ZHX3: variants seen among roughly 807,000 people sequenced by gnomAD.
ZHX3 encodes zinc fingers and homeoboxes protein 3.
Under a neutral mutation model 64.5 loss-of-function variants are expected in ZHX3, and 20 were observed. The observed-to-expected ratio is 0.31, with a 90% CI of 0.22 to 0.45. ZHX3 has a LOEUF of 0.45. Ranked by LOEUF, ZHX3 falls within the 20% of genes least tolerant of loss-of-function variation. The probability of loss-of-function intolerance (pLI) is 1.00; values close to 1 mark genes in which losing one functional copy is unlikely to be tolerated. For synonymous variants in ZHX3, 423 were observed against 461.6 expected, an observed-to-expected ratio of 0.92 and a Z score of 1.07; for missense variants, 1,041 against 1,195.8, an observed-to-expected ratio of 0.87 and a Z score of 1.91.
At chr20:41,252,485 T>C (rs2042038591) in intron 2 of ZHX3, among the ~76,000 whole-genome samples, 1 of 152,156 alleles carries the variant, frequency 6.6e-6, no homozygotes, top group South Asian at 2.1e-4. Context: ...CAAACCCAGG[T>C]GTCATCCCGC....
chr20:41,269,587 G>C (rs76749716), intron 1 of ZHX3: 1 of 151,950 alleles, frequency 6.6e-6, no homozygotes, highest in Non-Finnish European at 1.5e-5. Context: ...TGGCACTTTC[G>C]GTAAATGAAT....
chr20:41,276,656 C>A (rs1273229328), intron 1 of ZHX3, among the ~76,000 whole-genome samples: 2 of 152,288 alleles, frequency 1.3e-5, no homozygotes, highest in South Asian at 2.1e-4. Context: ...ACTTGGCGGG[C>A]TCACTTTAGT....
Position 41,212,110 on chromosome 20 carries a change from A to T in ZHX3, c.-150-7044T>A, listed in dbSNP as rs2039199175. 6.6e-6 allele frequency among the ~76,000 whole-genome samples: 1 copy of T among 152,360 alleles called. No homozygotes were observed. Among genetic ancestry groups the T allele is most frequent in the South Asian group, 2.1e-4 (1 of 4,828 alleles). On this transcript the variant is annotated intron_variant, in intron 2 of 3. Transcript: ENST00000683867. The surrounding 1 kb of genome is among the most constrained non-coding windows in gnomAD (Gnocchi z 4.3). The stretch of plus-strand genomic sequence containing the variant: ...CACCATCAAGAAAGTGAAAAGATAG[A>T]CAATCCACAGAAAGAAAAGGTTTGC...
Position 41,185,639 on chromosome 20 carries a change from A to C in ZHX3, c.2861-438T>G. 1 of 199,452 alleles carries C rather than the reference A, an allele frequency of 5.0e-6. No homozygotes were observed. Among genetic ancestry groups the C allele is most frequent in the Admixed American group, 5.7e-5 (1 of 17,522 alleles). 12.4% of individuals were successfully genotyped at this position (199,452 alleles called of 1,614,324 possible). A position where few individuals can be genotyped will look rare whatever the true frequency, so the allele number is the denominator to read the frequency against. On this transcript the variant is annotated intron_variant, in intron 3 of 3. Transcript: ENST00000683867. The surrounding 1 kb of genome is among the most constrained non-coding windows in gnomAD (Gnocchi z 5.0). The stretch of plus-strand genomic sequence containing the variant: ...TCTAGTTCTGATATGTATTCTACTG[A>C]TGTCTTCACTTCATTTGTAACTTGC...
rs2036234225 is a variant in ZHX3, at chr20:41,181,068, C to G, written c.*4123G>C. 6.6e-6 allele frequency: 1 copy of G among 152,276 alleles called. No individual in the cohort carries two copies. Among genetic ancestry groups the G allele is most frequent in the Admixed American group, 6.5e-5 (1 of 15,286 alleles). 9.4% of individuals were successfully genotyped at this position (152,276 alleles called of 1,614,324 possible). A position where few individuals can be genotyped will look rare whatever the true frequency, so the allele number is the denominator to read the frequency against. ...TGGGAGTAGCCCCCCGTGGTCTGGG[C>G]AGGCTGGCTGAGAGAGGTCTGTGCT... On this transcript the variant is annotated 3_prime_UTR_variant, in exon 4 of 4. Coordinates refer to ENST00000683867, the MANE Select transcript of ZHX3 (RefSeq NM_001384317.1).
chr20:41,234,889 A>C (rs762654288), intron 2 of ZHX3, among the ~76,000 whole-genome samples: 1 of 152,216 alleles, frequency 6.6e-6, no homozygotes, highest in Admixed American at 6.5e-5. Context: ...TGCTGACATG[A>C]AATACAAGAG....
In ZHX3 at chr20:41,287,270, T is replaced by C. The variant is rs1011120063; in HGVS notation, c.-244-18187A>G. 2.0e-5 allele frequency among the ~76,000 whole-genome samples: 3 copies of C among 152,310 alleles called. No individual in the cohort carries two copies. In the East Asian group the frequency reaches 5.8e-4, roughly 29 times the overall value. ...CCTCCCCTGACTACACCACCCCAAG[T>C]AGCAGTCAGACTCCCATTCTATCAT... is the stretch of plus-strand genomic sequence containing the variant. On this transcript the variant is annotated intron_variant, in intron 1 of 3. Transcript: ENST00000683867.
intron 2 of ZHX3, among the ~76,000 whole-genome samples, chr20:41,218,739 C>CA: frequency 1.3e-5 from 2 of 152,148 alleles, no homozygotes; most frequent in Admixed American, 1.3e-4. Flanking sequence ...CTGCTGAAAA[C>CA]AAAAAAGTTA....
intron 3 of ZHX3, among the ~76,000 whole-genome samples, chr20:41,192,645 T>C (rs1263439735): frequency 6.6e-6 from 1 of 152,252 alleles, no homozygotes; most frequent in Admixed American, 6.5e-5. Flanking sequence ...CAGTCACTTA[T>C]GCCTCAGCTC....
chr20:41,236,771 G>T (rs566112325), intron 2 of ZHX3, among the ~76,000 whole-genome samples: 89 of 152,286 alleles, frequency 5.8e-4, no homozygotes, highest in African/African-American at 1.9e-3. Flanking sequence ...ATTGACAAAT[G>T]GGATCTAATT....
intron 1 of ZHX3, among the ~76,000 whole-genome samples, chr20:41,286,626 C>T (rs1357875245): frequency 6.6e-6 from 1 of 152,164 alleles, no homozygotes; most frequent in African/African-American, 2.4e-5. Flanking sequence ...AACAAAAATC[C>T]TTTCCATGGG....
At chr20:41,218,992 C>T (rs796836086) in intron 2 of ZHX3, among the ~76,000 whole-genome samples, 49 of 146,098 alleles carry the variant, frequency 3.4e-4, no homozygotes, top group African/African-American at 1.1e-3. Flanking sequence ...TGCAGTGGCG[C>T]GATCTCGGCT....
chr20:41,185,608 G>T lies in ZHX3; in HGVS notation c.2861-407C>A, dbSNP rs930153446. ...AACATACTGTTCCAATATAATAGCAGCTGGGTCTAGTTCTGATATGTATTC... is the reference window on the plus strand; with the variant it reads ...AACATACTGTTCCAATATAATAGCATCTGGGTCTAGTTCTGATATGTATTC... On this transcript the variant is annotated intron_variant, in intron 3 of 3. Transcript: ENST00000683867. This position sits in a 1 kb window ranked among gnomAD's most constrained non-coding sequence, Gnocchi z 5.0. 1 of 277,434 alleles carries T rather than the reference G, an allele frequency of 3.6e-6. No homozygotes were observed. 17.2% of individuals were successfully genotyped at this position (277,434 alleles called of 1,614,324 possible).
At chr20:41,231,187 T>C (rs537233499) in intron 2 of ZHX3, among the ~76,000 whole-genome samples, 1 of 152,374 alleles carries the variant, frequency 6.6e-6, no homozygotes, top group African/African-American at 2.4e-5. Context: ...CATTGCTTTT[T>C]ATTTTTTGAC....
At chr20:41,296,830 T>C (rs1466813226) in intron 1 of ZHX3, among the ~76,000 whole-genome samples, 3 of 152,168 alleles carry the variant, frequency 2.0e-5, no homozygotes, top group Non-Finnish European at 2.9e-5. Context: ...GGCGTATGCA[T>C]CCCTCAACCA....
At chr20:41,296,286 T>C (rs1272467051) in intron 1 of ZHX3, among the ~76,000 whole-genome samples, 3 of 143,150 alleles carry the variant, frequency 2.1e-5, no homozygotes, top group Non-Finnish European at 4.5e-5. Context: ...GCAGCTCTGT[T>C]ACAGTCCTCA....
intron 3 of ZHX3, among the ~76,000 whole-genome samples, chr20:41,199,857 T>C (rs1255402813): frequency 6.6e-6 from 1 of 152,082 alleles, no homozygotes; most frequent in Non-Finnish European, 1.5e-5. Flanking sequence ...CTCACCAACA[T>C]GCCTGGCTAA....
chr20:41,243,594 CTG>C (rs1160300737), intron 2 of ZHX3, among the ~76,000 whole-genome samples: 1 of 152,138 alleles, frequency 6.6e-6, no homozygotes, highest in African/African-American at 2.4e-5. Context: ...GGATACCAGA[CTG>C]AATCTCCTGA....
rs987729057 is a variant in ZHX3 at position 41,250,753 on chromosome 20, T to C, written c.-151+18237A>G. Reference sequence around the variant, plus strand: ...CACACTAAGACACATCTTAATTATATTTCTGTAAATTAAAGACAAAGAATA... The same window carrying C: ...CACACTAAGACACATCTTAATTATACTTCTGTAAATTAAAGACAAAGAATA... On this transcript the variant is annotated intron_variant, in intron 2 of 3. Coordinates refer to ENST00000683867, the MANE Select transcript of ZHX3 (RefSeq NM_001384317.1). 2.6e-5 allele frequency among the ~76,000 whole-genome samples: 4 copies of C among 152,302 alleles called. No homozygotes were observed. In the South Asian group the frequency reaches 6.2e-4, roughly 24 times the overall value.
Sources: gnomAD v4.1 joint callset for allele counts (sites outside exome capture counted in the v4.1 genomes callset) on GRCh38, gnomAD v4.1.1 for gene constraint, Gnocchi (gnomAD v3.1) non-coding constraint, MANE v1.5 for transcripts, NCBI Gene and HGNC (gene_info 2026-07-23, HGNC 2026-07-21) for gene names.